The following ILRUN variants were observed in gnomAD, a reference collection of about 807,000 sequenced individuals.
The protein encoded by ILRUN is protein ILRUN.
ILRUN carries 3 observed loss-of-function variants against 33.8 expected under a neutral mutation model. The observed-to-expected ratio is 0.09, with a 90% confidence interval of 0.04 to 0.23. ILRUN has a LOEUF of 0.23. Ranked by LOEUF, ILRUN falls within the 10% of genes least tolerant of loss-of-function variation. The pLI is 1.00. For synonymous variants in ILRUN, 124 were observed against 138.9 expected, an observed-to-expected ratio of 0.89 and a Z score of 0.75; for missense variants, 210 against 375.1, an observed-to-expected ratio of 0.56 and a Z score of 3.64.
In ILRUN at chr6:34,646,972, G is replaced by A. The variant is rs1762573890; in HGVS notation, c.314-174C>T. On this transcript the variant is annotated intron_variant, in intron 2 of 4. Coordinates refer to ENST00000374023, the MANE Select transcript of ILRUN (RefSeq NM_024294.4). The surrounding 1 kb of genome is among the most constrained non-coding windows in gnomAD (Gnocchi z 4.9). ...CACAACTGATCAAAAGGAATTATCA[G>A]AACCAACAACCTCTGACCAATAGTC... 6.6e-6 allele frequency among the ~76,000 whole-genome samples: 1 copy of A among 152,120 alleles called. No homozygotes were observed. Among genetic ancestry groups the A allele is most frequent in the Non-Finnish European group, 1.5e-5 (1 of 68,022 alleles).
chr6:34,687,714 T>TATATATATATTTATAAA (rs1763554461), intron 1 of ILRUN, among the ~76,000 whole-genome samples: 4 of 137,804 alleles, frequency 2.9e-5, no homozygotes, highest in African/African-American at 5.8e-5. Context: ...AAAAAATATA[T>TATATATATATTTATAAA]ATATATATAT....
intron 4 of ILRUN, among the ~76,000 whole-genome samples, chr6:34,599,066 T>C (rs777793781): frequency 5.3e-5 from 8 of 152,314 alleles, no homozygotes; most frequent in Middle Eastern, 6.8e-3. Context: ...GTGCATAAAC[T>C]ACCTTCAGAG....
chr6:34,683,790 CAG>C (rs1763458635), intron 1 of ILRUN, among the ~76,000 whole-genome samples: 1 of 152,046 alleles, frequency 6.6e-6, no homozygotes, highest in Non-Finnish European at 1.5e-5. Flanking sequence ...CAGCTGGTCA[CAG>C]TGGCTCATGC....
chr6:34,621,074 A>G (rs909107015), intron 3 of ILRUN, among the ~76,000 whole-genome samples: 2 of 152,226 alleles, frequency 1.3e-5, no homozygotes, highest in Non-Finnish European at 2.9e-5. Context: ...ATCTGCAAAG[A>G]ACTAAAACAG....
chr6:34,590,254 T>G lies in ILRUN; in HGVS notation c.*311A>C. Reference sequence around the variant, plus strand: ...TAAAAAGATGGCTTTTTTTCCCCCATTTTAAACTTTTTCCCCCTTCCCGAG... The same window carrying G: ...TAAAAAGATGGCTTTTTTTCCCCCAGTTTAAACTTTTTCCCCCTTCCCGAG... On this transcript the variant is annotated 3_prime_UTR_variant, in exon 5 of 5. Transcript: ENST00000374023. 1.7e-4 allele frequency: 33 copies of G among 197,316 alleles called. No homozygotes were observed. Among genetic ancestry groups the G allele is most frequent in the East Asian group, 2.2e-4 (2 of 8,952 alleles). 12.2% of individuals were successfully genotyped at this position (197,316 alleles called of 1,614,324 possible). A position where few individuals can be genotyped will look rare whatever the true frequency, so the allele number is the denominator to read the frequency against.
At chr6:34,679,049 T>C (rs917579195) in intron 1 of ILRUN, among the ~76,000 whole-genome samples, 13 of 151,540 alleles carry the variant, frequency 8.6e-5, no homozygotes, top group African/African-American at 2.9e-4. Flanking sequence ...CTATGCTTAT[T>C]ACCTTGGCGA....
chr6:34,618,311 T>G (rs1321666652), intron 3 of ILRUN, among the ~76,000 whole-genome samples: 2 of 152,180 alleles, frequency 1.3e-5, no homozygotes, highest in African/African-American at 4.8e-5. Flanking sequence ...GACCCTCTCT[T>G]TGTGTGGCTA....
chr6:34,648,374 CAGAG>C (rs1762599675), intron 2 of ILRUN, among the ~76,000 whole-genome samples: 1 of 152,116 alleles, frequency 6.6e-6, no homozygotes, highest in Non-Finnish European at 1.5e-5. Context: ...AGAAACCAGA[CAGAG>C]AAAGGCAACC....
At position 34,674,595 on chromosome 6, in the gene ILRUN, T is replaced by A. The variant is rs183306340; in HGVS notation, c.159-19816A>T. Among the ~76,000 whole-genome samples the A allele has an allele frequency of 6.6e-5, 10 of 152,250 alleles. No homozygotes were observed. The East Asian group carries it at 1.9e-3, about 29-fold the overall frequency. ...AATCAGTTGAAAGAATTGAAACAGA[T>A]TGCCTCTGGGGAGTCAAGGAAGGAA... On this transcript the variant is annotated intron_variant, in intron 1 of 4. Transcript: ENST00000374023.
intron 3 of ILRUN, among the ~76,000 whole-genome samples, chr6:34,643,966 T>G (rs1297854368): frequency 5.3e-5 from 8 of 152,220 alleles, no homozygotes; most frequent in Non-Finnish European, 7.3e-5. Context: ...CCTCCCAGAG[T>G]GCTGGTATTA....
At chr6:34,619,782 C>A (rs1020886604) in intron 3 of ILRUN, among the ~76,000 whole-genome samples, 1 of 151,994 alleles carries the variant, frequency 6.6e-6, no homozygotes, top group Non-Finnish European at 1.5e-5. Flanking sequence ...GTCAGGAGCT[C>A]AAGATCAGCC....
At chr6:34,693,168 A>G (rs994429456) in intron 1 of ILRUN, among the ~76,000 whole-genome samples, 7 of 151,508 alleles carry the variant, frequency 4.6e-5, no homozygotes, top group African/African-American at 9.7e-5. Context: ...CTTTCATAAG[A>G]AAAAAAAATG....
intron 3 of ILRUN, among the ~76,000 whole-genome samples, chr6:34,611,269 C>T (rs1761747426): frequency 6.6e-6 from 1 of 151,956 alleles, no homozygotes; most frequent in South Asian, 2.1e-4. Context: ...GTATGACTCA[C>T]CAGAACTTAT....
At chr6:34,656,751 A>G (rs73411992) in intron 1 of ILRUN, among the ~76,000 whole-genome samples, 3,555 of 152,336 alleles carry the variant, frequency 0.023, 104 homozygotes, top group African/African-American at 0.064. Flanking sequence ...GCTGCCAGAA[A>G]GGAAGGCTAT....
At chr6:34,622,538 TA>T (rs78821044) in intron 3 of ILRUN, among the ~76,000 whole-genome samples, 488 of 143,824 alleles carry the variant, frequency 3.4e-3, no homozygotes, top group Non-Finnish European at 3.8e-3. Flanking sequence ...TGGCTACTAC[TA>T]AAAAAAAAAA....
In ILRUN at chr6:34,588,520, G is replaced by C; in HGVS notation, c.*2045C>G. 1 of 303,682 alleles carries C rather than the reference G, an allele frequency of 3.3e-6. No individual in the cohort carries two copies. The highest frequency in any genetic ancestry group is 5.2e-5 in the East Asian group (1 of 19,062). The allele number at this position is 303,682 out of a possible 1,614,324, so 18.8% of individuals were successfully genotyped here. The stretch of plus-strand genomic sequence containing the variant: ...GGGCTCCAGGGAGGCAGTGTCTCAG[G>C]AGACTGGTACCAGCAGCAGCAGTCT... On this transcript the variant is annotated 3_prime_UTR_variant, in exon 5 of 5. Transcript: ENST00000374023.
intron 3 of ILRUN, among the ~76,000 whole-genome samples, chr6:34,639,616 T>C (rs1762430386): frequency 6.6e-6 from 1 of 152,102 alleles, no homozygotes; most frequent in African/African-American, 2.4e-5. Context: ...AATAGCCCTG[T>C]CAATCTCAAC....
chr6:34,653,897 A>C (rs1211916831), intron 2 of ILRUN, among the ~76,000 whole-genome samples: 2 of 150,326 alleles, frequency 1.3e-5, no homozygotes, highest in African/African-American at 2.5e-5. Context: ...CCTGAGCCCA[A>C]GAGTTTAAGG....
intron 3 of ILRUN, among the ~76,000 whole-genome samples, chr6:34,629,655 A>G (rs1762205147): frequency 1.3e-5 from 2 of 152,124 alleles, no homozygotes; most frequent in African/African-American, 2.4e-5. Flanking sequence ...TCTGGGCATT[A>G]TCCTGTTTGG....
Sources: gnomAD v4.1 joint callset for allele counts (sites outside exome capture counted in the v4.1 genomes callset) on GRCh38, gnomAD v4.1.1 for gene constraint, Gnocchi (gnomAD v3.1) non-coding constraint, MANE v1.5 for transcripts, NCBI Gene and HGNC (gene_info 2026-07-23, HGNC 2026-07-21) for gene names.